The following FYB1 variants were observed in gnomAD, a reference collection of about 807,000 sequenced individuals.
The protein encoded by FYB1 is FYN-binding protein 1.
In FYB1, 41 loss-of-function variants were observed where a neutral mutation model predicts 94.1. The observed-to-expected ratio is 0.44, with a 90% CI of 0.34 to 0.57. The LOEUF (loss-of-function observed/expected upper bound fraction) is 0.57. Among genes scored for constraint, FYB1 ranks in the 20% least tolerant of loss-of-function variants. The pLI, the probability that FYB1 is intolerant of heterozygous loss-of-function variation, is 0.02. For missense variants in FYB1, 1,050 were observed against 976.8 expected, an observed-to-expected ratio of 1.07 and a Z score of -1.00; for synonymous variants, 367 against 353.2, an observed-to-expected ratio of 1.04 and a Z score of -0.44.
intron 2 of FYB1, among the ~76,000 whole-genome samples, chr5:39,162,379 G>T (rs567389973): frequency 6.6e-6 from 1 of 152,222 alleles, no homozygotes; most frequent in African/African-American, 2.4e-5. Context: ...TAGGTCAAAA[G>T]AACTGAGCAT....
At chr5:39,137,328 T>G (rs1490383933) in intron 7 of FYB1, 1 of 291,072 alleles carries the variant, frequency 3.4e-6, no homozygotes, top group Non-Finnish European at 6.5e-6. Context: ...CAAGATGGGT[T>G]TGAAAAGGTA....
chr5:39,230,756 A>G (rs1050624917), intron 1 of FYB1, among the ~76,000 whole-genome samples: 2 of 151,790 alleles, frequency 1.3e-5, no homozygotes, highest in Admixed American at 6.6e-5. Flanking sequence ...TGATGCTGGC[A>G]TCACGGTCTA....
At chr5:39,184,894 A>G (rs1746605102) in intron 2 of FYB1, among the ~76,000 whole-genome samples, 1 of 152,158 alleles carries the variant, frequency 6.6e-6, no homozygotes, top group Non-Finnish European at 1.5e-5. Context: ...CAGAAATTAT[A>G]TGTATTTTAT....
chr5:39,123,611 G>T (rs887849748), intron 13 of FYB1, among the ~76,000 whole-genome samples: 5 of 152,016 alleles, frequency 3.3e-5, no homozygotes, highest in Non-Finnish European at 7.4e-5. Flanking sequence ...CAGATAAAGG[G>T]TCTATAGAAG....
intron 1 of FYB1, among the ~76,000 whole-genome samples, chr5:39,255,852 G>C (rs1402678670): frequency 6.6e-6 from 1 of 152,146 alleles, no homozygotes; most frequent in Non-Finnish European, 1.5e-5. Flanking sequence ...GATGCAACAA[G>C]AAGAAAAGAG....
At chr5:39,183,433 TGG>T (rs1290866246) in intron 2 of FYB1, among the ~76,000 whole-genome samples, 3 of 152,136 alleles carry the variant, frequency 2.0e-5, no homozygotes, top group Non-Finnish European at 2.9e-5. Flanking sequence ...AGAGAAGCAC[TGG>T]GTAGAGTGTC....
At chr5:39,246,116 A>G (rs1338242462) in intron 1 of FYB1, among the ~76,000 whole-genome samples, 2 of 152,134 alleles carry the variant, frequency 1.3e-5, no homozygotes, top group Non-Finnish European at 2.9e-5. Flanking sequence ...AGAATAAGTG[A>G]AGTAGGTACC....
At chr5:39,265,155 G>A (rs1350283296) in intron 1 of FYB1, among the ~76,000 whole-genome samples, 3 of 152,032 alleles carry the variant, frequency 2.0e-5, no homozygotes. Flanking sequence ...GGCCAACATG[G>A]AGAAACCCCA....
intron 1 of FYB1, among the ~76,000 whole-genome samples, chr5:39,232,346 G>T (rs1750779833): frequency 6.6e-6 from 1 of 151,956 alleles, no homozygotes; most frequent in Non-Finnish European, 1.5e-5. Flanking sequence ...TACCAGGAAG[G>T]TGAGTCAGGG....
intron 16 of FYB1, among the ~76,000 whole-genome samples, chr5:39,118,508 T>C (rs910562440): frequency 3.9e-5 from 6 of 152,178 alleles, no homozygotes; most frequent in Admixed American, 2.0e-4. Context: ...TCACTGTTTT[T>C]ACCTGATTTC....
chr5:39,193,843 A>G (rs1456032033), intron 2 of FYB1, among the ~76,000 whole-genome samples: 1 of 152,232 alleles, frequency 6.6e-6, no homozygotes, highest in Non-Finnish European at 1.5e-5. Flanking sequence ...GGAGACGAGC[A>G]CAGCTAACAT....
At position 39,122,436 on chromosome 5, in the gene FYB1, C is replaced by T. The variant is rs369071768; in HGVS notation, c.2072-34G>A. 4.0e-5 allele frequency: 52 copies of T among 1,301,380 alleles called. No individual in the cohort carries two copies. The African/African-American group carries it at 6.1e-4, about 15-fold the overall frequency. The allele number at this position is 1,301,380 out of a possible 1,614,324, so 80.6% of individuals were successfully genotyped here. A position where few individuals can be genotyped will look rare whatever the true frequency, so the allele number is the denominator to read the frequency against. The stretch of plus-strand genomic sequence containing the variant: ...AGACAGAATATCAAAGGTTGAAACA[C>T]TGTTAGTTTAGATTTTGATATGAGC... On this transcript the variant is annotated intron_variant, in intron 13 of 18. Coordinates refer to ENST00000512982, the MANE Select transcript of FYB1 (RefSeq NM_001465.6).
rs534741439 is a variant in FYB1, at chr5:39,201,743, T to C, written c.1135+83A>G. 4 of 1,243,250 alleles carry C rather than the reference T, an allele frequency of 3.2e-6. No homozygotes were observed. The South Asian group carries it at 4.6e-5, about 14-fold the overall frequency. The allele number at this position is 1,243,250 out of a possible 1,614,324, so 77.0% of individuals were successfully genotyped here. A position where few individuals can be genotyped will look rare whatever the true frequency, so the allele number is the denominator to read the frequency against. On this transcript the variant is annotated intron_variant, in intron 2 of 18. Coordinates refer to ENST00000512982, the MANE Select transcript of FYB1 (RefSeq NM_001465.6). ...GTACCAGATATAGAGAATCATTCCTTGTTACAAAACTTTCCCCAGAAGCTA... is the reference window on the plus strand; with the variant it reads ...GTACCAGATATAGAGAATCATTCCTCGTTACAAAACTTTCCCCAGAAGCTA...
intron 2 of FYB1, chr5:39,169,560 G>A: frequency 3.8e-6 from 2 of 523,700 alleles, no homozygotes; most frequent in Non-Finnish European, 7.6e-6. Context: ...AAAGACCAAG[G>A]AGGGCCAGAT....
intron 1 of FYB1, among the ~76,000 whole-genome samples, chr5:39,213,797 G>A (rs1211678492): frequency 6.6e-6 from 1 of 152,020 alleles, no homozygotes; most frequent in Non-Finnish European, 1.5e-5. Flanking sequence ...TAGGGGCCCA[G>A]GACACCATTC....
intron 1 of FYB1, among the ~76,000 whole-genome samples, chr5:39,228,181 T>C (rs943169997): frequency 6.6e-6 from 1 of 152,156 alleles, no homozygotes; most frequent in African/African-American, 2.4e-5. Context: ...TACATTTAGT[T>C]GGTAGATAGA....
At chr5:39,238,261 C>A (rs1561299264) in intron 1 of FYB1, among the ~76,000 whole-genome samples, 1 of 151,328 alleles carries the variant, frequency 6.6e-6, no homozygotes, top group Non-Finnish European at 1.5e-5. Context: ...TATAATATAT[C>A]TGTGTGTGTG....
chr5:39,195,396 G>C (rs959994041), intron 2 of FYB1, among the ~76,000 whole-genome samples: 7 of 152,146 alleles, frequency 4.6e-5, no homozygotes. Flanking sequence ...AAAGGAGAAT[G>C]GGGGGAAAAA....
At chr5:39,239,699 T>C (rs915305610) in intron 1 of FYB1, among the ~76,000 whole-genome samples, 1 of 152,120 alleles carries the variant, frequency 6.6e-6, no homozygotes, top group African/African-American at 2.4e-5. Flanking sequence ...TACTCATGGA[T>C]TGGAAGAATC....
Sources: gnomAD v4.1 joint callset for allele counts (sites outside exome capture counted in the v4.1 genomes callset) on GRCh38, gnomAD v4.1.1 for gene constraint, MANE v1.5 for transcripts, NCBI Gene and HGNC (gene_info 2026-07-23, HGNC 2026-07-21) for gene names.